ZNF621: variants seen among roughly 807,000 people sequenced by gnomAD.
ZNF621 encodes zinc finger protein 621.
In ZNF621, 6 loss-of-function variants were observed where a neutral mutation model predicts 12.7. The ratio of observed to expected loss-of-function variants is 0.47; its 90% CI spans 0.26 to 0.93. The LOEUF (loss-of-function observed/expected upper bound fraction) is 0.93, where lower values mean the gene tolerates loss of function less well. ZNF621 is among the 40% of genes least tolerant of loss of function. ZNF621 has a pLI of 0.15. For synonymous variants in ZNF621, 156 were observed against 190.3 expected (o/e 0.82, Z 1.48); for missense variants, 474 against 524.0 (o/e 0.90, Z 0.93).
At chr3:40,523,561 C>T (rs892237911), upstream of ZNF621, among the ~76,000 whole-genome samples, 11 of 152,074 alleles carry the variant, frequency 7.2e-5, no homozygotes, top group Admixed American at 2.0e-4. Context: ...GTCAGGAGAT[C>T]GACACCATCC....
Position 40,532,163 on chromosome 3 carries a change from A to G in ZNF621, c.393A>G (p.Ala131=), listed in dbSNP as rs375785519. 2.5e-6 allele frequency: 4 copies of G among 1,614,120 alleles called. No individual in the cohort carries two copies. The African/African-American group carries it at 5.3e-5, about 22-fold the overall frequency. Residue 131 remains alanine (A), a synonymous_variant, in exon 5 of 5, where the codon GCA becomes GCG. Transcript: ENST00000339296. ...VSQHFDFKRK[A]LKQTFNLNPN... Reference sequence around the variant, plus strand: ...AGCACTTTGATTTTAAAAGGAAGGCACTGAAGCAGACTTTCAATCTAAATC... The same window carrying G: ...AGCACTTTGATTTTAAAAGGAAGGCGCTGAAGCAGACTTTCAATCTAAATC...
chr3:40,529,644 A>T, intron 3 of ZNF621, 199 bp downstream of exon 3: 1 of 1,391,706 alleles, frequency 7.2e-7, no homozygotes, highest in Admixed American at 2.1e-5. Context: ...TTGTTTTGAG[A>T]CAGAGTCTCG....
intron 2 of ZNF621, among the ~76,000 whole-genome samples, chr3:40,527,960 C>T (rs1017810939): frequency 6.6e-6 from 1 of 152,144 alleles, no homozygotes; most frequent in Non-Finnish European, 1.5e-5. Flanking sequence ...ATTAATATTC[C>T]ACACCAGAGT....
rs1398886429 is a variant in ZNF621, at chr3:40,536,535, G to T, written c.*3445G>T. The stretch of plus-strand genomic sequence containing the variant: ...TAAAAGGTAGTTCTGTCTCTATCCT[G>T]TCTCCTTTATTCTGCTACTGCTCTC... On this transcript the variant is annotated 3_prime_UTR_variant, in exon 5 of 5. Coordinates refer to ENST00000339296, the MANE Select transcript of ZNF621 (RefSeq NM_198484.5). 1 of 152,202 alleles carries T rather than the reference G, an allele frequency of 6.6e-6. No individual in the cohort carries two copies. The highest frequency in any genetic ancestry group is 2.4e-5 in the African/African-American group (1 of 41,464). 9.4% of individuals were successfully genotyped at this position (152,202 alleles called of 1,614,324 possible).
upstream of ZNF621, among the ~76,000 whole-genome samples, chr3:40,523,719 T>C (rs2125669517): frequency 6.6e-6 from 1 of 151,886 alleles, no homozygotes; most frequent in East Asian, 1.9e-4. Context: ...TGAGCCGAGA[T>C]TGCGCCATTG....
Position 40,532,844 on chromosome 3 carries a change from C to G in ZNF621, c.1074C>G (p.Pro358=), listed in dbSNP as rs1698767429. ...VKVLGPSLVS[P]QCSSPAIPPV... is the part of the protein sequence containing the mutation. ...TCCTTGGGCCATCCCTGGTCAGTCC[C>G]CAGTGCTCCTCTCCAGCCATACCTC... Residue 358 remains proline (P), a synonymous_variant, in exon 5 of 5, where the codon CCC becomes CCG. Coordinates refer to ENST00000339296, the MANE Select transcript of ZNF621 (RefSeq NM_198484.5). 1 of 1,613,762 alleles carries G rather than the reference C, an allele frequency of 6.2e-7. No homozygotes were observed. Among genetic ancestry groups the G allele is most frequent in the Non-Finnish European group, 8.5e-7 (1 of 1,179,930 alleles).
Position 40,538,135 on chromosome 3 carries a change from C to G in ZNF621, c.*5045C>G. 1 of 247,610 alleles carries G rather than the reference C, an allele frequency of 4.0e-6. No homozygotes were observed. Among genetic ancestry groups the G allele is most frequent in the Non-Finnish European group, 8.2e-6 (1 of 122,226 alleles). The allele number at this position is 247,610 out of a possible 1,614,324, so 15.3% of individuals were successfully genotyped here. ...TGCCTGTGCTCTAGAAATGGAAGAT[C>G]AAAGCCTGGATGACAGCACATCTGT... On this transcript the variant is annotated 3_prime_UTR_variant, in exon 5 of 5. Transcript: ENST00000339296.
rs564583302 is a variant in ZNF621, at chr3:40,538,125, A to T, written c.*5035A>T. Among the ~76,000 whole-genome samples the T allele has an allele frequency of 6.6e-6, 1 of 152,326 alleles. No homozygotes were observed. Among genetic ancestry groups the T allele is most frequent in the Admixed American group, 6.5e-5 (1 of 15,290 alleles). On this transcript the variant is annotated 3_prime_UTR_variant, in exon 5 of 5. Transcript: ENST00000339296. ...AAATCCACTCTGCCTGTGCTCTAGA[A>T]ATGGAAGATCAAAGCCTGGATGACA...
At chr3:40,527,391 G>A (rs576800217) in intron 2 of ZNF621, among the ~76,000 whole-genome samples, 1 of 151,658 alleles carries the variant, frequency 6.6e-6, no homozygotes, top group South Asian at 2.1e-4. Flanking sequence ...GAGTGCAGTG[G>A]CATGATCTCA....
At chr3:40,526,234 G>A (rs1698579283) in intron 2 of ZNF621, among the ~76,000 whole-genome samples, 1 of 152,214 alleles carries the variant, frequency 6.6e-6, no homozygotes, top group African/African-American at 2.4e-5. Context: ...GTGGCACTAT[G>A]ATATCGGCTC....
rs376049138 is a variant in ZNF621, at chr3:40,533,052, T to A, written c.1282T>A (p.Ser428Thr). The A allele has an allele frequency of 9.0e-6, 14 of 1,551,752 alleles. No individual in the cohort carries two copies. The highest frequency in any genetic ancestry group is 4.9e-5 in the East Asian group (2 of 40,930). ...FQGLTPTVKP[S>T]PVILTPSSHS... ...GGGTCTTACTCCCACTGTGAAACCTTCCCCAGTTATTCTCACCCCTTCTTC... is the reference window on the plus strand; with the variant it reads ...GGGTCTTACTCCCACTGTGAAACCTACCCCAGTTATTCTCACCCCTTCTTC... Residue 428 changes from serine (S) to threonine (T), a missense_variant, in exon 5 of 5, where the codon TCC becomes ACC. Coordinates refer to ENST00000339296, the MANE Select transcript of ZNF621 (RefSeq NM_198484.5).
chr3:40,525,746 G>C (rs755175744), intron 1 of ZNF621, 33 bp from the exon 2 acceptor site: 14 of 1,577,770 alleles, frequency 8.9e-6, no homozygotes, highest in Non-Finnish European at 1.1e-5. Flanking sequence ...TGGACGACAG[G>C]GTCCTTAGCA....
Position 40,530,201 on chromosome 3 carries a change from T to C in ZNF621, c.152-8T>C. 1.2e-6 allele frequency: 2 copies of C among 1,612,364 alleles called. No homozygotes were observed. Among genetic ancestry groups the C allele is most frequent in the Non-Finnish European group, 1.7e-6 (2 of 1,178,662 alleles). ...CCCTCAATTTGTCTTTCTCTTTTCT[T>C]CATGAAGTAGCGTTTCCATTCCCCA... is the stretch of plus-strand genomic sequence containing the variant. On this transcript the variant is annotated splice_polypyrimidine_tract_variant and splice_region_variant and intron_variant, in intron 3 of 4. Transcript: ENST00000339296.
At chr3:40,530,667 A>AT (rs960192869) in intron 4 of ZNF621, among the ~76,000 whole-genome samples, 4 of 152,150 alleles carry the variant, frequency 2.6e-5, no homozygotes, top group Non-Finnish European at 5.9e-5. Flanking sequence ...GGAAAATATG[A>AT]TTTTTTGGGG....
chr3:40,532,421 T>G lies in ZNF621; in HGVS notation c.651T>G (p.Ser217Arg). The stretch of plus-strand genomic sequence containing the variant: ...GTAAGGAGTGTGGCAAAGGTTTGAG[T>G]TCCAACACAGCCTTGACTCAACATC... ...YECKECGKGLSSNTALTQHQR... is the reference protein window; with the variant it reads ...YECKECGKGLRSNTALTQHQR... Residue 217 changes from serine (S) to arginine (R), a missense_variant, in exon 5 of 5, where the codon AGT becomes AGG. Coordinates refer to ENST00000339296, the MANE Select transcript of ZNF621 (RefSeq NM_198484.5). 6.2e-7 allele frequency: 1 copy of G among 1,612,844 alleles called. No individual in the cohort carries two copies. Among genetic ancestry groups the G allele is most frequent in the Non-Finnish European group, 8.5e-7 (1 of 1,179,748 alleles).
chr3:40,530,447 C>G (rs1360071607), intron 4 of ZNF621, 131 bp downstream of exon 4: 1 of 705,716 alleles, frequency 1.4e-6, no homozygotes, highest in East Asian at 2.7e-5. Context: ...TACTCTCTGA[C>G]CTCACACTGA....
Position 40,538,737 on chromosome 3 carries a change from A to T in ZNF621, c.*5647A>T, listed in dbSNP as rs1369930871. 6.6e-6 allele frequency: 1 copy of T among 152,496 alleles called. No individual in the cohort carries two copies. The highest frequency in any genetic ancestry group is 1.9e-4 in the East Asian group (1 of 5,200). 9.4% of individuals were successfully genotyped at this position (152,496 alleles called of 1,614,324 possible). On this transcript the variant is annotated 3_prime_UTR_variant, in exon 5 of 5. Transcript: ENST00000339296. ...GTGGCTGCCATAGTGGTTGTTCTGTACAAAGTAACTTGAAAACCTTCTGGA... is the reference window on the plus strand; with the variant it reads ...GTGGCTGCCATAGTGGTTGTTCTGTTCAAAGTAACTTGAAAACCTTCTGGA...
chr3:40,528,359 T>C (rs1313453313), intron 2 of ZNF621, among the ~76,000 whole-genome samples: 1 of 152,192 alleles, frequency 6.6e-6, no homozygotes, highest in East Asian at 1.9e-4. Context: ...TAATATTCCA[T>C]TGTCTATATA....
In ZNF621 at chr3:40,539,279, G is replaced by A. The variant is rs187484215; in HGVS notation, c.*6189G>A. On this transcript the variant is annotated 3_prime_UTR_variant, in exon 5 of 5. Coordinates refer to ENST00000339296, the MANE Select transcript of ZNF621 (RefSeq NM_198484.5). ...AGTTGATGTTGCAGCCTTCCTTGTTGTCTCATTTAAAGAAATCTCTAGAGC... is the reference window on the plus strand; with the variant it reads ...AGTTGATGTTGCAGCCTTCCTTGTTATCTCATTTAAAGAAATCTCTAGAGC... 8.5e-5 allele frequency: 13 copies of A among 152,384 alleles called. No homozygotes were observed. Among genetic ancestry groups the A allele is most frequent in the African/African-American group, 3.1e-4 (13 of 41,554 alleles). The allele number at this position is 152,384 out of a possible 1,614,324, so 9.4% of individuals were successfully genotyped here.
Sources: gnomAD v4.1 joint callset for allele counts (sites outside exome capture counted in the v4.1 genomes callset) on GRCh38, gnomAD v4.1.1 for gene constraint, MANE v1.5 for transcripts, NCBI Gene and HGNC (gene_info 2026-07-23, HGNC 2026-07-21) for gene names.